The following RBFOX1 variants were observed in gnomAD, a reference collection of about 807,000 sequenced individuals.
RBFOX1 encodes the protein RNA binding fox-1 homolog 1.
In RBFOX1, 8 loss-of-function variants were observed where a neutral mutation model predicts 57.7. The ratio of observed to expected loss-of-function variants is 0.14; its 90% confidence interval spans 0.08 to 0.25. The LOEUF (loss-of-function observed/expected upper bound fraction) is 0.25. Among genes scored for constraint, RBFOX1 ranks in the 10% least tolerant of loss-of-function variants. RBFOX1 has a pLI of 1.00. For missense variants in RBFOX1, 611 were observed against 548.5 expected (o/e 1.11, Z -1.14); for synonymous variants, 326 against 222.4 (o/e 1.47, Z -4.15).
chr16:7,052,268 A>G (rs1335637576), intron 4 of RBFOX1, among the ~76,000 whole-genome samples, 170 bp downstream of exon 4: 1 of 152,240 alleles, frequency 6.6e-6, no homozygotes, highest in African/African-American at 2.4e-5. Context: ...GCTGTTAAAT[A>G]CAGTATATCT....
At chr16:7,345,324 C>G (rs993132210) in intron 4 of RBFOX1, among the ~76,000 whole-genome samples, 7 of 152,114 alleles carry the variant, frequency 4.6e-5, no homozygotes, top group African/African-American at 1.7e-4. Context: ...GGGGCCTGCT[C>G]TCGGGGAGGT....
chr16:5,825,663 G>T (rs987026948), intron 3 of RBFOX1, among the ~76,000 whole-genome samples: 1 of 152,092 alleles, frequency 6.6e-6, no homozygotes, highest in African/African-American at 2.4e-5. Context: ...ACCACTGTCT[G>T]CCCCAGAAAC....
chr16:7,709,251 T>TAAC (rs2083474765), intron 15 of RBFOX1, 120 bp downstream of exon 15: 2 of 1,056,452 alleles, frequency 1.9e-6, no homozygotes, highest in African/African-American at 3.2e-5. Context: ...TCTCTTGTGC[T>TAAC]AACAGCAGCT....
intron 3 of RBFOX1, among the ~76,000 whole-genome samples, chr16:7,031,326 T>C (rs1568449942): frequency 6.6e-6 from 1 of 152,194 alleles, no homozygotes; most frequent in Non-Finnish European, 1.5e-5. Flanking sequence ...CTGGGTGCTA[T>C]GGCTCATACC....
intron 4 of RBFOX1, among the ~76,000 whole-genome samples, chr16:7,085,123 G>A (rs2059794435): frequency 1.3e-5 from 2 of 152,086 alleles, no homozygotes; most frequent in Non-Finnish European, 2.9e-5. Flanking sequence ...GTTTGTGTGT[G>A]TACTTACATC....
chr16:6,779,385 T>A (rs2079949559), intron 3 of RBFOX1, among the ~76,000 whole-genome samples: 1 of 152,040 alleles, frequency 6.6e-6, no homozygotes, highest in African/African-American at 2.4e-5. Context: ...CCATTGTATG[T>A]ATGTACCACA....
intron 3 of RBFOX1, among the ~76,000 whole-genome samples, chr16:7,046,358 T>C (rs1462706654): frequency 6.6e-6 from 1 of 152,136 alleles, no homozygotes; most frequent in Non-Finnish European, 1.5e-5. Context: ...ATCACACACA[T>C]ATTTCTCTCA....
chr16:5,925,170 G>A (rs1382266257), intron 4 of RBFOX1, among the ~76,000 whole-genome samples: 1 of 152,082 alleles, frequency 6.6e-6, no homozygotes, highest in Non-Finnish European at 1.5e-5. Flanking sequence ...CCTAAGTAAG[G>A]TCCCTGCACC....
At chr16:5,784,358 C>T (rs1292294400) in intron 3 of RBFOX1, among the ~76,000 whole-genome samples, 6 of 151,930 alleles carry the variant, frequency 3.9e-5, no homozygotes, top group Non-Finnish European at 5.9e-5. Flanking sequence ...ACCCAGGAGG[C>T]GGAGCTTGCA....
chr16:7,302,969 C>T (rs548176275), intron 4 of RBFOX1, among the ~76,000 whole-genome samples: 41 of 152,250 alleles, frequency 2.7e-4, no homozygotes, highest in Non-Finnish European at 4.3e-4. Flanking sequence ...AATAAATAAA[C>T]CATTGTAATT....
chr16:7,527,841 G>A (rs959857202), intron 5 of RBFOX1, among the ~76,000 whole-genome samples: 1 of 152,084 alleles, frequency 6.6e-6, no homozygotes, highest in African/African-American at 2.4e-5. Flanking sequence ...CCTTGGTTCC[G>A]AGTTCTTCAT....
intron 3 of RBFOX1, among the ~76,000 whole-genome samples, chr16:6,712,106 G>C (rs879804999): frequency 2.6e-5 from 4 of 152,266 alleles, no homozygotes; most frequent in Admixed American, 1.3e-4. Flanking sequence ...AGACTTATTA[G>C]AGAGGCTTAA....
At chr16:5,960,086 A>G (rs1337233610) in intron 4 of RBFOX1, among the ~76,000 whole-genome samples, 3 of 152,106 alleles carry the variant, frequency 2.0e-5, no homozygotes, top group Non-Finnish European at 4.4e-5. Context: ...CTGTAATCCC[A>G]GCTACTTAGG....
At chr16:5,692,890 G>T (rs2050733489) in intron 3 of RBFOX1, among the ~76,000 whole-genome samples, 1 of 152,224 alleles carries the variant, frequency 6.6e-6, no homozygotes, top group Non-Finnish European at 1.5e-5. Context: ...CAAAGGTGAA[G>T]ACATGGCACA....
intron 1 of RBFOX1, among the ~76,000 whole-genome samples, chr16:6,293,798 A>G (rs1371926777): frequency 9.1e-6 from 1 of 109,536 alleles, no homozygotes; most frequent in Non-Finnish European, 2.1e-5. Context: ...ATAGGATTCC[A>G]GTCCAAGGAA....
chr16:7,341,775 C>CTTG (rs1198591231), intron 4 of RBFOX1, among the ~76,000 whole-genome samples: 137 of 110,538 alleles, frequency 1.2e-3, no homozygotes, highest in African/African-American at 4.6e-3. Context: ...TCCCTCCCTC[C>CTTG]CTCCTTCCTT....
chr16:6,349,457 T>G (rs2085921515), intron 2 of RBFOX1, among the ~76,000 whole-genome samples: 1 of 152,132 alleles, frequency 6.6e-6, no homozygotes, highest in Non-Finnish European at 1.5e-5. Context: ...CCCATAGAAT[T>G]AAAATAATGA....
chr16:7,159,450 C>T (rs2077829379), intron 4 of RBFOX1, among the ~76,000 whole-genome samples: 1 of 152,072 alleles, frequency 6.6e-6, no homozygotes, highest in Non-Finnish European at 1.5e-5. Flanking sequence ...GATCAGTATC[C>T]AGGATTCAGA....
intron 2 of RBFOX1, among the ~76,000 whole-genome samples, chr16:6,582,180 T>A (rs921587316): frequency 1.1e-4 from 17 of 152,218 alleles, no homozygotes; most frequent in African/African-American, 3.9e-4. Flanking sequence ...CACAATTTTG[T>A]GATAGTAAAA....
Sources: gnomAD v4.1 joint callset for allele counts (sites outside exome capture counted in the v4.1 genomes callset) on GRCh38, gnomAD v4.1.1 for gene constraint, MANE v1.5 for transcripts, NCBI Gene and HGNC (gene_info 2026-07-23, HGNC 2026-07-21) for gene names.